LRP1B: variants seen among roughly 807,000 people sequenced by gnomAD.
LRP1B encodes LDL receptor related protein 1B, also known as low-density lipoprotein receptor-related protein 1B.
LRP1B carries 217 observed loss-of-function variants against 556.6 expected under a neutral mutation model. The ratio of observed to expected loss-of-function variants is 0.39; its 90% CI spans 0.35 to 0.44. The LOEUF (loss-of-function observed/expected upper bound fraction) is 0.44. LRP1B is among the 20% of genes least tolerant of loss of function. The pLI, the probability that LRP1B is intolerant of heterozygous loss-of-function variation, is 1.00. For synonymous variants in LRP1B, 2,047 were observed against 1,865.8 expected (o/e 1.10, Z -2.50); for missense variants, 5,053 against 5,620.8 (o/e 0.90, Z 3.23).
At chr2:140,736,639 A>G (rs923648358) in intron 35 of LRP1B, among the ~76,000 whole-genome samples, 4 of 152,194 alleles carry the variant, frequency 2.6e-5, no homozygotes, top group African/African-American at 9.7e-5. Flanking sequence ...AGGATTCCCT[A>G]TTTAATAAAT....
chr2:140,307,542 A>C lies in LRP1B; in HGVS notation c.12805+7393T>G, dbSNP rs920390038. On this transcript the variant is annotated intron_variant, in intron 83 of 90. Coordinates refer to ENST00000389484, the MANE Select transcript of LRP1B (RefSeq NM_018557.3). ...AGAATTCATATATATCAGTTGAAAT[A>C]ATATATTTTTAAGTATATAACAATA... Among the ~76,000 whole-genome samples, 4 of 151,772 alleles carry C rather than the reference A, an allele frequency of 2.6e-5. No homozygotes were observed. The East Asian group carries it at 7.7e-4, about 29-fold the overall frequency.
chr2:141,636,335 C>A (rs1689107924), intron 2 of LRP1B, among the ~76,000 whole-genome samples: 1 of 152,044 alleles, frequency 6.6e-6, no homozygotes, highest in Non-Finnish European at 1.5e-5. Context: ...TCAGGGAATT[C>A]TTAACGTAAT....
intron 1 of LRP1B, among the ~76,000 whole-genome samples, chr2:142,011,755 T>C (rs1702965905): frequency 6.6e-6 from 1 of 152,224 alleles, no homozygotes. Context: ...ATCCATGAAA[T>C]GTAAGAGAGT....
rs1306194942 is a variant in LRP1B at position 140,903,144 on chromosome 2, C to T, written c.3542G>A (p.Gly1181Glu). Reference sequence around the variant, plus strand: ...AACAGAACAGTGGTTGCTACAGCCTCCATTGTTCAGCGAACACTCATCTAT... The same window carrying T: ...AACAGAACAGTGGTTGCTACAGCCTTCATTGTTCAGCGAACACTCATCTAT... ...YLCDECSLNN[G>E]GCSNHCSVVP... Residue 1181 changes from glycine to glutamate, a missense_variant, in exon 23 of 91, where the codon GGA becomes GAA. By Grantham distance (98) the Gly-to-Glu change is moderately conservative. Transcript: ENST00000389484. The T allele has an allele frequency of 1.9e-6, 3 of 1,613,320 alleles. No homozygotes were observed.
chr2:141,112,099 T>TC (rs1256099341), intron 7 of LRP1B, among the ~76,000 whole-genome samples: 1 of 100,270 alleles, frequency 1.0e-5, no homozygotes, highest in Non-Finnish European at 2.3e-5. Context: ...ATAAATAAAT[T>TC]CTACTCCACT....
intron 2 of LRP1B, among the ~76,000 whole-genome samples, chr2:141,792,710 T>C (rs1340590491): frequency 6.6e-6 from 1 of 152,038 alleles, no homozygotes; most frequent in African/African-American, 2.4e-5. Flanking sequence ...AGGTCCATCC[T>C]ATGACACACA....
chr2:141,588,372 CT>C (rs1380191519), intron 2 of LRP1B, among the ~76,000 whole-genome samples: 2 of 151,922 alleles, frequency 1.3e-5, no homozygotes, highest in African/African-American at 4.8e-5. Context: ...ACAGAAGCTA[CT>C]TAGAGAAGGG....
intron 1 of LRP1B, among the ~76,000 whole-genome samples, chr2:141,905,849 TTGTG>T (rs1266964191): frequency 7.5e-6 from 1 of 132,554 alleles, no homozygotes; most frequent in Non-Finnish European, 1.6e-5. Flanking sequence ...GCCAAGATAT[TTGTG>T]TGTGTCTCTG....
intron 3 of LRP1B, among the ~76,000 whole-genome samples, chr2:141,377,045 A>G (rs1237373289): frequency 6.6e-6 from 1 of 152,186 alleles, no homozygotes; most frequent in Non-Finnish European, 1.5e-5. Context: ...CTCTCAAAAA[A>G]AGGAAGGCGG....
intron 1 of LRP1B, among the ~76,000 whole-genome samples, chr2:142,050,131 A>G (rs2105230019): frequency 6.6e-6 from 1 of 152,286 alleles, no homozygotes; most frequent in Admixed American, 6.5e-5. Context: ...TACATAATTA[A>G]GTATTCTCTT....
intron 41 of LRP1B, among the ~76,000 whole-genome samples, chr2:140,668,177 G>C (rs550173010): frequency 2.0e-5 from 3 of 151,716 alleles, no homozygotes; most frequent in African/African-American, 7.2e-5. Flanking sequence ...CGGGTGTGGC[G>C]GCGTGCACCT....
chr2:141,604,844 C>T (rs528436322), intron 2 of LRP1B, among the ~76,000 whole-genome samples: 1 of 152,208 alleles, frequency 6.6e-6, no homozygotes, highest in African/African-American at 2.4e-5. Flanking sequence ...CCATCCTCCT[C>T]AGCCTTCAAT....
At chr2:140,959,968 C>T (rs939954396) in intron 18 of LRP1B, among the ~76,000 whole-genome samples, 1 of 151,560 alleles carries the variant, frequency 6.6e-6, no homozygotes, top group African/African-American at 2.4e-5. Context: ...GTGAGGTTGC[C>T]TGGGGTACTT....
chr2:142,034,034 G>C (rs1372962671), intron 1 of LRP1B, among the ~76,000 whole-genome samples: 1 of 151,670 alleles, frequency 6.6e-6, no homozygotes, highest in East Asian at 1.9e-4. Flanking sequence ...GAAACTTGGA[G>C]TCATCTCCAC....
intron 15 of LRP1B, among the ~76,000 whole-genome samples, chr2:140,999,008 C>T (rs552312630): frequency 1.3e-5 from 2 of 152,076 alleles, no homozygotes; most frequent in Non-Finnish European, 2.9e-5. Context: ...CTATGCACTA[C>T]TCTACTCAGC....
chr2:141,586,139 C>A (rs1687129562), intron 2 of LRP1B, among the ~76,000 whole-genome samples: 1 of 152,122 alleles, frequency 6.6e-6, no homozygotes, highest in Admixed American at 6.5e-5. Flanking sequence ...CGTCTCTTTT[C>A]TTTTCTTTTA....
intron 39 of LRP1B, 110 bp downstream of exon 39, chr2:140,702,031 G>A: frequency 1.5e-6 from 2 of 1,374,546 alleles, no homozygotes; most frequent in East Asian, 2.3e-5. Flanking sequence ...TACTGGCTTT[G>A]TGAGTTCCTT....
intron 2 of LRP1B, among the ~76,000 whole-genome samples, chr2:141,629,717 G>A (rs1688839686): frequency 6.6e-6 from 1 of 151,988 alleles, no homozygotes; most frequent in Non-Finnish European, 1.5e-5. Context: ...GTAACTTTGG[G>A]TTGTTTAACC....
At chr2:140,240,194 TTC>T (rs1211541135) in intron 87 of LRP1B, among the ~76,000 whole-genome samples, 1 of 147,262 alleles carries the variant, frequency 6.8e-6, no homozygotes, top group East Asian at 2.2e-4. Context: ...GGTGAAGAGG[TTC>T]TCTTTCTCAT....
Sources: gnomAD v4.1 joint callset for allele counts (sites outside exome capture counted in the v4.1 genomes callset) on GRCh38, gnomAD v4.1.1 for gene constraint, MANE v1.5 for transcripts, NCBI Gene and HGNC (gene_info 2026-07-23, HGNC 2026-07-21) for gene names.